CDS2: variants seen among roughly 807,000 people sequenced by gnomAD.
CDS2 encodes phosphatidate cytidylyltransferase 2.
Under a neutral mutation model 59.0 loss-of-function variants are expected in CDS2, and 47 were observed. The observed-to-expected ratio is 0.80, with a 90% CI of 0.63 to 1.02. CDS2 has a LOEUF of 1.02. CDS2 is among the 50% of genes least tolerant of loss of function. The probability of loss-of-function intolerance (pLI) is 0.00; values close to 1 mark genes in which losing one functional copy is unlikely to be tolerated. For missense variants in CDS2, 356 were observed against 558.9 expected (o/e 0.64, Z 3.66); for synonymous variants, 207 against 206.4 (o/e 1.00, Z -0.02).
chr20:5,134,681 C>G (rs932261622), intron 1 of CDS2, among the ~76,000 whole-genome samples: 1 of 152,216 alleles, frequency 6.6e-6, no homozygotes, highest in Non-Finnish European at 1.5e-5. Flanking sequence ...CCATCACACC[C>G]AGCTAATTTT....
chr20:5,172,478 C>T (rs1033927098), intron 1 of CDS2, among the ~76,000 whole-genome samples: 2 of 152,264 alleles, frequency 1.3e-5, no homozygotes, highest in Middle Eastern at 3.4e-3. Flanking sequence ...CAGAAGATAC[C>T]AAGTGGCCAG....
At chr20:5,158,511 C>T (rs1475810629) in intron 1 of CDS2, among the ~76,000 whole-genome samples, 1 of 152,144 alleles carries the variant, frequency 6.6e-6, no homozygotes, top group Non-Finnish European at 1.5e-5. Context: ...TGTAAAATCT[C>T]ACCAAGATTT....
At chr20:5,151,914 G>A (rs1333123875) in intron 1 of CDS2, among the ~76,000 whole-genome samples, 2 of 151,128 alleles carry the variant, frequency 1.3e-5, no homozygotes, top group Non-Finnish European at 3.0e-5. Flanking sequence ...ACAGGTATGT[G>A]CCACCATGCC....
intron 1 of CDS2, among the ~76,000 whole-genome samples, chr20:5,135,450 TTG>T (rs973526363): frequency 5.3e-5 from 8 of 149,672 alleles, no homozygotes; most frequent in African/African-American, 1.8e-4. Flanking sequence ...GTACAGCTGT[TTG>T]TGTGTCATAC....
At chr20:5,165,246 A>C (rs1005759236) in intron 1 of CDS2, among the ~76,000 whole-genome samples, 8 of 152,198 alleles carry the variant, frequency 5.3e-5, no homozygotes, top group African/African-American at 7.2e-5. Flanking sequence ...ATTTGGCCAC[A>C]AATGTCTAAG....
intron 1 of CDS2, among the ~76,000 whole-genome samples, chr20:5,170,494 G>T (rs773751371): frequency 7.9e-5 from 12 of 152,248 alleles, no homozygotes; most frequent in African/African-American, 2.9e-4. Context: ...TCCCTTTGGC[G>T]TCCACAGGAC....
chr20:5,179,686 CAG>C (rs1278595870), intron 5 of CDS2, among the ~76,000 whole-genome samples: 5 of 152,210 alleles, frequency 3.3e-5, no homozygotes, highest in South Asian at 4.1e-4. Flanking sequence ...TCTGCAACCT[CAG>C]GGGGAGCTAG....
At chr20:5,178,306 A>T (rs1282401369) in intron 4 of CDS2, among the ~76,000 whole-genome samples, 1 of 152,232 alleles carries the variant, frequency 6.6e-6, no homozygotes, top group African/African-American at 2.4e-5. Context: ...ATGTTAGGTC[A>T]TGCAAAGTTT....
intron 1 of CDS2, among the ~76,000 whole-genome samples, chr20:5,134,164 G>A (rs139599732): frequency 5.2e-4 from 79 of 152,306 alleles, no homozygotes; most frequent in African/African-American, 1.7e-3. Context: ...TGGTATCCTT[G>A]AAAGGCACTC....
chr20:5,173,424 T>G (rs1222179177), intron 1 of CDS2, 99 bp from the exon 2 acceptor site: 2 of 1,369,126 alleles, frequency 1.5e-6, no homozygotes, highest in Non-Finnish European at 2.0e-6. Context: ...AGGCCCTGTT[T>G]GGAGTCTTTC....
rs1254322578 is a variant in CDS2 at position 5,191,511 on chromosome 20, A to G, written c.*1277A>G. The G allele has an allele frequency of 6.6e-6, 1 of 152,172 alleles. No individual in the cohort carries two copies. The highest frequency in any genetic ancestry group is 1.5e-5 in the Non-Finnish European group (1 of 68,032). The allele number at this position is 152,172 out of a possible 1,614,324, so 9.4% of individuals were successfully genotyped here. A position where few individuals can be genotyped will look rare whatever the true frequency, so the allele number is the denominator to read the frequency against. On this transcript the variant is annotated 3_prime_UTR_variant, in exon 13 of 13. Coordinates refer to ENST00000460006, the MANE Select transcript of CDS2 (RefSeq NM_003818.4). Reference sequence around the variant, plus strand: ...ACAAGTGATGGAGTGCGGGAGAGAGAACTTGGCACCCAAATATATCAAACT... The same window carrying G: ...ACAAGTGATGGAGTGCGGGAGAGAGGACTTGGCACCCAAATATATCAAACT...
At position 5,196,373 on chromosome 20, in the gene CDS2, A is replaced by AG. The variant is rs2091157458; in HGVS notation, c.*6144dup. 6.6e-6 allele frequency: 1 copy of AG among 151,928 alleles called. No homozygotes were observed. The highest frequency in any genetic ancestry group is 1.5e-5 in the Non-Finnish European group (1 of 68,116). The allele number at this position is 151,928 out of a possible 1,614,324, so 9.4% of individuals were successfully genotyped here. On this transcript the variant is annotated 3_prime_UTR_variant, in exon 13 of 13. Coordinates refer to ENST00000460006, the MANE Select transcript of CDS2 (RefSeq NM_003818.4). ...GAAAGCCTCCACTGCTGGGCCGGGG[A>AG]GGGGGTTGTGGTAAGGGCCCTCTGG...
chr20:5,175,471 T>C (rs2090988276), intron 3 of CDS2, 192 bp downstream of exon 3: 2 of 528,132 alleles, frequency 3.8e-6, no homozygotes, highest in Non-Finnish European at 6.8e-6. Flanking sequence ...TGTAGGCTGG[T>C]TGTTTATGGT....
chr20:5,173,470 A>G (rs930186991), intron 1 of CDS2, 53 bp from the exon 2 acceptor site: 3 of 1,603,732 alleles, frequency 1.9e-6, no homozygotes, highest in East Asian at 2.2e-5. Flanking sequence ...AGACTTCTCA[A>G]TGGTCTACTC....
At chr20:5,171,386 C>T (rs1180887996) in intron 1 of CDS2, among the ~76,000 whole-genome samples, 2 of 152,158 alleles carry the variant, frequency 1.3e-5, no homozygotes, top group Non-Finnish European at 2.9e-5. Context: ...GAGCGCAGTC[C>T]CTGCAGCTTC....
intron 1 of CDS2, among the ~76,000 whole-genome samples, chr20:5,150,654 C>T (rs1164556726): frequency 6.6e-6 from 1 of 152,224 alleles, no homozygotes; most frequent in Non-Finnish European, 1.5e-5. Context: ...GCCTGTGTGG[C>T]ACAGTGCCCT....
At chr20:5,178,063 T>C (rs953842281) in intron 4 of CDS2, among the ~76,000 whole-genome samples, 1 of 152,212 alleles carries the variant, frequency 6.6e-6, no homozygotes, top group African/African-American at 2.4e-5. Context: ...GCTGGGGGTT[T>C]GCAGTGATGG....
At chr20:5,136,663 G>T (rs560046274) in intron 1 of CDS2, among the ~76,000 whole-genome samples, 1 of 152,024 alleles carries the variant, frequency 6.6e-6, no homozygotes, top group African/African-American at 2.4e-5. Flanking sequence ...CTTGTTCTTT[G>T]TATCTTTCAG....
intron 1 of CDS2, among the ~76,000 whole-genome samples, chr20:5,135,987 G>C (rs1022031777): frequency 6.6e-6 from 1 of 152,122 alleles, no homozygotes; most frequent in Non-Finnish European, 1.5e-5. Flanking sequence ...TTTGTATTAA[G>C]GTCTCCATAG....
Sources: gnomAD v4.1 joint callset for allele counts (sites outside exome capture counted in the v4.1 genomes callset) on GRCh38, gnomAD v4.1.1 for gene constraint, MANE v1.5 for transcripts, NCBI Gene and HGNC (gene_info 2026-07-23, HGNC 2026-07-21) for gene names.